The following KIAA0513 variants were observed in gnomAD, a reference collection of about 807,000 sequenced individuals.
KIAA0513 encodes uncharacterized protein KIAA0513.
KIAA0513 carries 39 observed loss-of-function variants against 56.5 expected under a neutral mutation model. The ratio of observed to expected loss-of-function variants is 0.69; its 90% CI spans 0.53 to 0.90. The LOEUF is 0.90. Among genes scored for constraint, KIAA0513 ranks in the 40% least tolerant of loss-of-function variants. The pLI is 0.00. For missense variants in KIAA0513, 591 were observed against 535.2 expected, an observed-to-expected ratio of 1.10 and a Z score of -1.03; for synonymous variants, 268 against 215.6, an observed-to-expected ratio of 1.24 and a Z score of -2.13.
intron 1 of KIAA0513, among the ~76,000 whole-genome samples, chr16:85,039,831 GTTTTC>G (rs764996958): frequency 2.7e-5 from 4 of 150,132 alleles, no homozygotes; most frequent in Non-Finnish European, 4.4e-5. Flanking sequence ...AGAAAGAAAG[GTTTTC>G]TTTTCTTTTT....
At chr16:85,059,344 G>A (rs1229502359) in intron 1 of KIAA0513, among the ~76,000 whole-genome samples, 2 of 152,226 alleles carry the variant, frequency 1.3e-5, no homozygotes, top group Non-Finnish European at 2.9e-5. Flanking sequence ...GTGCCCTGGT[G>A]CCAGTTTGGG....
intron 4 of KIAA0513, among the ~76,000 whole-genome samples, chr16:85,073,746 A>G (rs997195482): frequency 3.3e-5 from 5 of 152,192 alleles, no homozygotes; most frequent in African/African-American, 1.2e-4. Flanking sequence ...TGATCTGGGC[A>G]TATCTGTACC....
rs1374061305 is a variant in KIAA0513 at position 85,075,936 on chromosome 16, G to A, written c.574+22G>A. ...ATCGGTAAGACATGGGTGGGCTGAT[G>A]TGGGGCTCACCTGAGGCTAGTCTGC... On this transcript the variant is annotated intron_variant, in intron 5 of 12. Transcript: ENST00000683363. The A allele has an allele frequency of 3.2e-6, 5 of 1,569,838 alleles. No homozygotes were observed. In the Admixed American group the frequency reaches 5.0e-5, roughly 16 times the overall value.
intron 1 of KIAA0513, among the ~76,000 whole-genome samples, chr16:85,057,914 C>T (rs1567531470): frequency 6.6e-6 from 1 of 152,126 alleles, no homozygotes. Flanking sequence ...GCTGCCCCCA[C>T]TGCCCTCCTC....
chr16:85,068,962 C>T (rs1166105547), intron 2 of KIAA0513, among the ~76,000 whole-genome samples: 1 of 152,126 alleles, frequency 6.6e-6, no homozygotes, highest in Non-Finnish European at 1.5e-5. Flanking sequence ...CAATGATTCA[C>T]TGAAATTAAA....
intron 1 of KIAA0513, among the ~76,000 whole-genome samples, chr16:85,065,237 A>G (rs1339322744): frequency 9.2e-5 from 14 of 152,298 alleles, no homozygotes; most frequent in Non-Finnish European, 1.5e-4. Flanking sequence ...TTTCTGATCC[A>G]ATCTTGATGC....
At chr16:85,038,175 A>G (rs147823589) in intron 1 of KIAA0513, among the ~76,000 whole-genome samples, 12 of 152,246 alleles carry the variant, frequency 7.9e-5, no homozygotes, top group African/African-American at 2.9e-4. Flanking sequence ...ATGTCGCCGT[A>G]GATAGAATGG....
chr16:85,070,627 G>C (rs1246512228), intron 2 of KIAA0513, among the ~76,000 whole-genome samples: 1 of 152,228 alleles, frequency 6.6e-6, no homozygotes, highest in Non-Finnish European at 1.5e-5. Flanking sequence ...GCAATGAGCT[G>C]AGATTGCGCC....
At chr16:85,045,208 A>G (rs1488222057) in intron 1 of KIAA0513, among the ~76,000 whole-genome samples, 1 of 152,174 alleles carries the variant, frequency 6.6e-6, no homozygotes, top group Non-Finnish European at 1.5e-5. Flanking sequence ...GTTTCTGGAC[A>G]TCTCTGTGCT....
At chr16:85,073,280 G>T (rs1404173527) in intron 4 of KIAA0513, among the ~76,000 whole-genome samples, 1 of 152,206 alleles carries the variant, frequency 6.6e-6, no homozygotes, top group Admixed American at 6.5e-5. Context: ...GATGGTGATG[G>T]TGCACTGTGG....
At chr16:85,056,384 C>A (rs1265607478) in intron 1 of KIAA0513, among the ~76,000 whole-genome samples, 1 of 152,160 alleles carries the variant, frequency 6.6e-6, no homozygotes, top group East Asian at 1.9e-4. Flanking sequence ...TCAGTAAGTT[C>A]CCCATCATAC....
chr16:85,093,571 C>A lies in KIAA0513; in HGVS notation c.*5246C>A, dbSNP rs1176014138. 1.3e-5 allele frequency: 2 copies of A among 152,572 alleles called. No individual in the cohort carries two copies. Among genetic ancestry groups the A allele is most frequent in the African/African-American group, 4.8e-5 (2 of 41,434 alleles). The allele number at this position is 152,572 out of a possible 1,614,324, so 9.5% of individuals were successfully genotyped here. ...CTAGAACTGGGGGGCTGCGCCCGCT[C>A]CCTCCTTAATCCTAGATGATTTGCT... On this transcript the variant is annotated 3_prime_UTR_variant, in exon 13 of 13. Transcript: ENST00000683363.
chr16:85,036,319 A>G (rs1228062171), intron 1 of KIAA0513, among the ~76,000 whole-genome samples: 2 of 152,122 alleles, frequency 1.3e-5, no homozygotes. Flanking sequence ...CCCCTTTCCC[A>G]TTTGCAGTCT....
At chr16:85,056,521 C>G (rs115727281) in intron 1 of KIAA0513, among the ~76,000 whole-genome samples, 2,772 of 152,308 alleles carry the variant, frequency 0.018, 77 homozygotes, top group African/African-American at 0.062. Flanking sequence ...GGAAAGCCTC[C>G]CTTCCCAGCT....
chr16:85,084,867 C>G (rs2073790758), intron 10 of KIAA0513, among the ~76,000 whole-genome samples: 1 of 152,236 alleles, frequency 6.6e-6, no homozygotes. Context: ...CCGGCCTGAA[C>G]TCAGTTGTAA....
At chr16:85,063,039 G>A (rs2073427744) in intron 1 of KIAA0513, among the ~76,000 whole-genome samples, 1 of 152,182 alleles carries the variant, frequency 6.6e-6, no homozygotes, top group African/African-American at 2.4e-5. Flanking sequence ...GGACAGGGGT[G>A]GTGCACGCCA....
chr16:85,044,530 C>G (rs1187485212), intron 1 of KIAA0513, among the ~76,000 whole-genome samples: 1 of 148,106 alleles, frequency 6.8e-6, no homozygotes, highest in Non-Finnish European at 1.5e-5. Context: ...TTTTTTGAGA[C>G]AGAGACTCGC....
intron 12 of KIAA0513, among the ~76,000 whole-genome samples, chr16:85,087,721 G>A (rs1016732637): frequency 3.3e-5 from 5 of 152,216 alleles, no homozygotes; most frequent in African/African-American, 1.2e-4. Context: ...CTTCTTCATC[G>A]AAAAGGACTT....
intron 1 of KIAA0513, among the ~76,000 whole-genome samples, chr16:85,043,114 C>T (rs1179991472): frequency 6.6e-6 from 1 of 152,142 alleles, no homozygotes; most frequent in East Asian, 1.9e-4. Flanking sequence ...TTTAGACTAG[C>T]AGTGTATAAA....
Sources: allele counts gnomAD v4.1 joint callset (sites outside exome capture counted in the v4.1 genomes callset), GRCh38; gene constraint gnomAD v4.1.1; transcripts MANE v1.5; gene names NCBI Gene and HGNC (gene_info 2026-07-23, HGNC 2026-07-21).